DSP: variants seen among roughly 807,000 people sequenced by gnomAD.
DSP encodes the protein 250/210 kDa paraneoplastic pemphigus antigen.
DSP carries 114 observed loss-of-function variants against 290.6 expected under a neutral mutation model. That is an observed-to-expected ratio of 0.39 (90% confidence interval 0.34 to 0.46). DSP has a LOEUF of 0.46. Ranked by LOEUF, DSP falls within the 20% of genes least tolerant of loss-of-function variation. The pLI is 0.99. For synonymous variants in DSP, 1,311 were observed against 1,316.4 expected, an observed-to-expected ratio of 1.00 and a Z score of 0.09; for missense variants, 3,230 against 3,495.8, an observed-to-expected ratio of 0.92 and a Z score of 1.92.
chr6:7,553,714 C>T (rs1359087951), intron 1 of DSP, among the ~76,000 whole-genome samples: 2 of 152,120 alleles, frequency 1.3e-5, no homozygotes, highest in African/African-American at 2.4e-5. Flanking sequence ...CTGTATAATT[C>T]GGAGTGGAAG....
intron 21 of DSP, 80 bp downstream of exon 21, chr6:7,577,966 T>G (rs1255335031): frequency 8.0e-6 from 9 of 1,123,992 alleles, no homozygotes; most frequent in Non-Finnish European, 2.7e-6. Flanking sequence ...GCCTCTTCCC[T>G]TTTCCCTGTC....
rs943247894 is a variant in DSP, at chr6:7,585,648, G to A, written c.8386G>A (p.Asp2796Asn). Residue 2796 changes from aspartate to asparagine, a missense_variant, in exon 24 of 24, where the codon GAT (aspartate) becomes AAT (asparagine). Transcript: ENST00000379802. ...TGCCATAAATCGCTCCATGGTAGAAGATATCACTGGGCTGCGCCTTCTGGA... is the reference window on the plus strand; with the variant it reads ...TGCCATAAATCGCTCCATGGTAGAAAATATCACTGGGCTGCGCCTTCTGGA... ...KDAINRSMVE[D>N]ITGLRLLEAA... The A allele has an allele frequency of 1.6e-5, 26 of 1,614,114 alleles. No homozygotes were observed. The highest frequency in any genetic ancestry group is 1.9e-5 in the Non-Finnish European group (23 of 1,180,056).
rs376923069 is a variant in DSP at position 7,584,385 on chromosome 6, G to A, written c.7123G>A (p.Gly2375Arg). 5 of 1,610,716 alleles carry A rather than the reference G, an allele frequency of 3.1e-6. No homozygotes were observed. In the African/African-American group the frequency reaches 4.0e-5, roughly 13 times the overall value. ...CTTATTAGAAGCACAGATCGCAACC[G>A]GGGGGATCATTGACCCAAAGGAGAG... ...IRLLEAQIATGGIIDPKESHR... is the reference protein window; with the variant it reads ...IRLLEAQIATRGIIDPKESHR... The change falls in exon 24 of 24, where the codon GGG (glycine) becomes AGG (arginine). Residue 2375 changes from glycine to arginine, a missense_variant. Gly to Arg is a moderately radical substitution (Grantham distance 125). Transcript: ENST00000379802. The surrounding 1 kb of genome is among the most constrained non-coding windows in gnomAD (Gnocchi z 6.4).
intron 1 of DSP, among the ~76,000 whole-genome samples, chr6:7,554,656 A>T (rs1183837358): frequency 6.6e-6 from 1 of 152,050 alleles, no homozygotes; most frequent in Non-Finnish European, 1.5e-5. Context: ...ATATATATAT[A>T]TTTTTACAGA....
intron 1 of DSP, 134 bp downstream of exon 1, chr6:7,542,219 C>A: frequency 1.6e-6 from 2 of 1,259,130 alleles, no homozygotes; most frequent in South Asian, 1.4e-5. Context: ...AAGAACTTCC[C>A]GGCCGCGCTG....
At position 7,575,413 on chromosome 6, in the gene DSP, A is replaced by G. The variant is rs1561693903; in HGVS notation, c.2555A>G (p.Asp852Gly). 3 of 1,614,184 alleles carry G rather than the reference A, an allele frequency of 1.9e-6. No homozygotes were observed. The highest frequency in any genetic ancestry group is 1.3e-5 in the African/African-American group (1 of 75,040). The stretch of plus-strand genomic sequence containing the variant: ...CAGCAGTATCCACTTTATGATCTGG[A>G]CTTGGGCAAGTTCGGTGAAAAAGTC... ...TSQQYPLYDL[D>G]LGKFGEKVTQ... The change falls in exon 18 of 24, where the codon GAC becomes GGC. Residue 852 changes from aspartate (D) to glycine (G), a missense_variant. Around this residue, in one of 5 missense-constraint regions of DSP, gnomAD observed 1,714 missense variants for 1,844.5 expected, o/e 0.93. Transcript: ENST00000379802.
rs777163466 is a variant in DSP, at chr6:7,565,492, A to C, written c.911A>C (p.Asn304Thr). The C allele has an allele frequency of 6.2e-7, 1 of 1,613,852 alleles. No homozygotes were observed. The highest frequency in any genetic ancestry group is 8.5e-7 in the Non-Finnish European group (1 of 1,179,918). Residue 304 changes from asparagine to threonine, a missense_variant, in exon 7 of 24, where the codon AAC (asparagine) becomes ACC (threonine). By Grantham distance (65) the Asn-to-Thr change is moderately conservative (BLOSUM62 0). Coordinates refer to ENST00000379802, the MANE Select transcript of DSP (RefSeq NM_004415.4). The surrounding 1 kb of genome is among the most constrained non-coding windows in gnomAD (Gnocchi z 4.2). ...TACGACTGGAGCGACAAGAACACCA[A>C]CATCGCTCAGAAACAGGAGGCCTTC... Reference protein sequence around the residue: ...LLYDWSDKNTNIAQKQEAFSI... With the variant: ...LLYDWSDKNTTIAQKQEAFSI...
chr6:7,584,466 A>G lies in DSP; in HGVS notation c.7204A>G (p.Ser2402Gly). ...GAGGGGCTATTTCAATGAGGAACTC[A>G]GTGAGATTCTCTCAGATCCAAGTGA... is the stretch of plus-strand genomic sequence containing the variant. ...YKRGYFNEEL[S>G]EILSDPSDDT... Residue 2402 changes from serine to glycine, a missense_variant, in exon 24 of 24, where the codon AGT becomes GGT. Ser to Gly is a moderately conservative substitution (Grantham distance 56, BLOSUM62 0). Coordinates refer to ENST00000379802, the MANE Select transcript of DSP (RefSeq NM_004415.4). The surrounding 1 kb of genome is among the most constrained non-coding windows in gnomAD (Gnocchi z 6.4). 1 of 1,614,232 alleles carries G rather than the reference A, an allele frequency of 6.2e-7. No homozygotes were observed. The highest frequency in any genetic ancestry group is 8.5e-7 in the Non-Finnish European group (1 of 1,180,038).
chr6:7,584,846 T>A lies in DSP; in HGVS notation c.7584T>A (p.Tyr2528Ter), dbSNP rs1759581554. 6.2e-7 allele frequency: 1 copy of A among 1,614,212 alleles called. No individual in the cohort carries two copies. The highest frequency in any genetic ancestry group is 8.5e-7 in the Non-Finnish European group (1 of 1,180,036). ...VLVDRKTGSQ[Y>*]DIQDAIDKGL... ...TAGATAGAAAGACAGGCAGTCAGTA[T>A]GATATTCAAGATGCTATTGACAAGG... Residue 2528 changes from tyrosine to a stop codon, truncating the protein, a stop_gained, in exon 24 of 24, where the codon TAT (tyrosine) becomes TAA (stop). Coordinates refer to ENST00000379802, the MANE Select transcript of DSP (RefSeq NM_004415.4). LOFTEE classifies it high-confidence loss of function. The surrounding 1 kb of genome is among the most constrained non-coding windows in gnomAD (Gnocchi z 6.4).
Position 7,575,478 on chromosome 6 carries a change from A to G in DSP, c.2620A>G (p.Ile874Val). 6.2e-7 allele frequency: 1 copy of G among 1,614,146 alleles called. No individual in the cohort carries two copies. The highest frequency in any genetic ancestry group is 8.5e-7 in the Non-Finnish European group (1 of 1,180,008). The change falls in exon 18 of 24, where the codon ATC becomes GTC. Residue 874 changes from isoleucine (I) to valine (V), a missense_variant. This residue lies in a region of DSP where 1,714 missense variants were observed against 1,844.5 expected (regional missense o/e 0.93). Coordinates refer to ENST00000379802, the MANE Select transcript of DSP (RefSeq NM_004415.4). ...CCGCTGGCAAAGGATAGATAAACAG[A>G]TCGACTTTAGGTATGCCAGCCTCCT... is the stretch of plus-strand genomic sequence containing the variant. ...TDRWQRIDKQIDFRLWDLEKQ... is the reference protein window; with the variant it reads ...TDRWQRIDKQVDFRLWDLEKQ...
chr6:7,558,656 G>A (rs1048767681), intron 3 of DSP, among the ~76,000 whole-genome samples: 2 of 151,700 alleles, frequency 1.3e-5, no homozygotes, highest in South Asian at 2.1e-4. Flanking sequence ...TTGGGCTATC[G>A]GCATGTGCCA....
intron 15 of DSP, among the ~76,000 whole-genome samples, chr6:7,572,423 C>T (rs902458297): frequency 2.6e-5 from 4 of 152,148 alleles, no homozygotes; most frequent in Non-Finnish European, 4.4e-5. Flanking sequence ...TGGTGAGATA[C>T]GATCTCAAAG....
At position 7,582,834 on chromosome 6, in the gene DSP, C is replaced by G. The variant is rs1474132784; in HGVS notation, c.5572C>G (p.Gln1858Glu). The change falls in exon 24 of 24, where the codon CAG becomes GAG. Residue 1858 changes from glutamine (Q) to glutamate (E), a missense_variant. This residue lies in a region of DSP where 1,714 missense variants were observed against 1,844.5 expected (regional missense o/e 0.93). Transcript: ENST00000379802. The surrounding 1 kb of genome is among the most constrained non-coding windows in gnomAD (Gnocchi z 4.2). Reference sequence around the variant, plus strand: ...GAAACAGCGCCTGGAGTGTGAGAAACAGCAAATTCAGAATGACCTGAATCA... The same window carrying G: ...GAAACAGCGCCTGGAGTGTGAGAAAGAGCAAATTCAGAATGACCTGAATCA... ...RVKQRLECEK[Q>E]QIQNDLNQWK... 1 of 1,613,922 alleles carries G rather than the reference C, an allele frequency of 6.2e-7. No individual in the cohort carries two copies. The highest frequency in any genetic ancestry group is 2.2e-5 in the East Asian group (1 of 44,888).
At chr6:7,542,109 G>A (rs1360413933) in intron 1 of DSP, 24 bp downstream of exon 1, 1 of 1,551,612 alleles carries the variant, frequency 6.4e-7, no homozygotes, top group African/African-American at 1.4e-5. Context: ...CGGAGAGCGC[G>A]GGCTGCGGGG....
At chr6:7,560,824 T>G (rs1561682423) in intron 4 of DSP, among the ~76,000 whole-genome samples, 1 of 152,190 alleles carries the variant, frequency 6.6e-6, no homozygotes, top group African/African-American at 2.4e-5. Context: ...ATGACAGTTA[T>G]AAAAAAAGAC....
intron 2 of DSP, 41 bp from the exon 3 acceptor site, chr6:7,558,075 T>C: frequency 1.2e-6 from 2 of 1,613,504 alleles, no homozygotes; most frequent in South Asian, 1.1e-5. Context: ...GTTTTCTTCC[T>C]GGTAGTATGT....
Position 7,581,085 on chromosome 6 carries a change from A to G in DSP, c.4895A>G (p.Asp1632Gly). 6.2e-7 allele frequency: 1 copy of G among 1,613,958 alleles called. No individual in the cohort carries two copies. ...ATTGTTAAGAAGAGGAGTGAGGATG[A>G]CCTCCGGCAGCAGAGGGACGTGCTG... ...ASIVKKRSED[D>G]LRQQRDVLDG... Residue 1632 changes from aspartate to glycine, a missense_variant, in exon 23 of 24, where the codon GAC (aspartate) becomes GGC (glycine). By Grantham distance (94) the Asp-to-Gly change is moderately conservative (BLOSUM62 -1). Transcript: ENST00000379802.
intron 2 of DSP, among the ~76,000 whole-genome samples, chr6:7,557,821 A>T (rs1758546506): frequency 6.6e-6 from 1 of 151,972 alleles, no homozygotes; most frequent in Middle Eastern, 3.4e-3. Flanking sequence ...GATTCCCATT[A>T]TATGAGACTT....
In DSP at chr6:7,585,124, C is replaced by T; in HGVS notation, c.7862C>T (p.Ala2621Val). ...DTLEESSPIAAIFDTENLEKI... is the reference protein window; with the variant it reads ...DTLEESSPIAVIFDTENLEKI... ...CTGGAAGAATCGAGCCCCATTGCAG[C>T]CATCTTTGACACAGAAAACCTGGAG... The change falls in exon 24 of 24, where the codon GCC (alanine) becomes GTC (valine). Residue 2621 changes from alanine (A) to valine (V), a missense_variant. Transcript: ENST00000379802. The T allele has an allele frequency of 1.2e-6, 2 of 1,614,118 alleles. No homozygotes were observed. The highest frequency in any genetic ancestry group is 2.2e-5 in the East Asian group (1 of 44,878).
Sources: allele counts gnomAD v4.1 joint callset (sites outside exome capture counted in the v4.1 genomes callset), GRCh38; gene constraint gnomAD v4.1.1; regional missense constraint gnomAD v4.1.1; non-coding constraint Gnocchi (gnomAD v3.1); transcripts MANE v1.5; gene names NCBI Gene and HGNC (gene_info 2026-07-23, HGNC 2026-07-21).